The following DAPP1 variants were observed in gnomAD, a reference collection of about 807,000 sequenced individuals.
DAPP1 encodes the protein dual adapter for phosphotyrosine and 3-phosphotyrosine and 3-phosphoinositide.
In DAPP1, 20 loss-of-function variants were observed where a neutral mutation model predicts 41.5. That is an observed-to-expected ratio of 0.48 (90% CI 0.34 to 0.70). The LOEUF (loss-of-function observed/expected upper bound fraction) is 0.70. DAPP1 is among the 30% of genes least tolerant of loss of function. The probability of loss-of-function intolerance (pLI) is 0.01; values close to 1 mark genes in which losing one functional copy is unlikely to be tolerated. For missense variants in DAPP1, 233 were observed against 333.4 expected (o/e 0.70, Z 2.35); for synonymous variants, 113 against 116.2 (o/e 0.97, Z 0.18).
chr4:99,826,486 C>T (rs953701901), intron 1 of DAPP1, among the ~76,000 whole-genome samples: 1 of 152,058 alleles, frequency 6.6e-6, no homozygotes, highest in Non-Finnish European at 1.5e-5. Flanking sequence ...TGTATCTTTT[C>T]CAGGCAGGGA....
At chr4:99,851,199 C>T (rs1034495476) in intron 3 of DAPP1, among the ~76,000 whole-genome samples, 3 of 152,186 alleles carry the variant, frequency 2.0e-5, no homozygotes, top group Non-Finnish European at 4.4e-5. Context: ...GTAGCCGGCC[C>T]CTTCTCCTCA....
intron 4 of DAPP1, 104 bp downstream of exon 4, chr4:99,853,452 T>C (rs763713752): frequency 2.7e-4 from 392 of 1,436,010 alleles, no homozygotes; most frequent in Non-Finnish European, 3.4e-4. Flanking sequence ...AATTCTAGCT[T>C]GGAATATAAA....
At chr4:99,826,666 G>A (rs1722948424) in intron 1 of DAPP1, among the ~76,000 whole-genome samples, 1 of 152,168 alleles carries the variant, frequency 6.6e-6, no homozygotes, top group African/African-American at 2.4e-5. Context: ...TCCCAACAGG[G>A]ACCCTGTGCT....
At chr4:99,860,642 A>G (rs912399736) in intron 4 of DAPP1, among the ~76,000 whole-genome samples, 1 of 151,984 alleles carries the variant, frequency 6.6e-6, no homozygotes, top group African/African-American at 2.4e-5. Context: ...TCCTCTTTTT[A>G]TTTGGTTGGG....
intron 3 of DAPP1, among the ~76,000 whole-genome samples, chr4:99,849,332 T>C (rs973309365): frequency 3.3e-5 from 5 of 152,228 alleles, no homozygotes; most frequent in African/African-American, 1.2e-4. Context: ...GGGAGGCTGG[T>C]TCATCCCAGG....
At chr4:99,820,429 G>T (rs1303839802) in intron 1 of DAPP1, among the ~76,000 whole-genome samples, 1 of 152,150 alleles carries the variant, frequency 6.6e-6, no homozygotes, top group African/African-American at 2.4e-5. Context: ...AAATGAAAGT[G>T]TTTTAGCATA....
At chr4:99,866,199 G>A in intron 8 of DAPP1, 78 bp downstream of exon 8, 1 of 818,084 alleles carries the variant, frequency 1.2e-6, no homozygotes, top group South Asian at 1.5e-5. Context: ...TCTATCAAAA[G>A]AGTCAGACTA....
chr4:99,869,244 G>C lies in DAPP1; in HGVS notation c.*1059G>C, dbSNP rs1348719255. 6.6e-6 allele frequency: 1 copy of C among 152,208 alleles called. No homozygotes were observed. The highest frequency in any genetic ancestry group is 1.5e-5 in the Non-Finnish European group (1 of 68,028). 9.4% of individuals were successfully genotyped at this position (152,208 alleles called of 1,614,324 possible). A position where few individuals can be genotyped will look rare whatever the true frequency, so the allele number is the denominator to read the frequency against. On this transcript the variant is annotated 3_prime_UTR_variant, in exon 9 of 9. Coordinates refer to ENST00000512369, the MANE Select transcript of DAPP1 (RefSeq NM_014395.3). ...AAAGCTACAAGAAATATGTAATAAT[G>C]ATAGGTAATAATGTGTTCCAAAGCT... is the stretch of plus-strand genomic sequence containing the variant.
chr4:99,825,127 T>G (rs1442421354), intron 1 of DAPP1, among the ~76,000 whole-genome samples: 1 of 152,220 alleles, frequency 6.6e-6, no homozygotes, highest in Admixed American at 6.5e-5. Flanking sequence ...GGTCTGCATG[T>G]GCATTCCCTA....
chr4:99,836,469 T>C (rs1425455624), intron 2 of DAPP1, among the ~76,000 whole-genome samples: 3 of 152,214 alleles, frequency 2.0e-5, no homozygotes, highest in Admixed American at 2.0e-4. Flanking sequence ...TTTTAGGCGC[T>C]TCTCCATGGA....
At chr4:99,839,739 G>A (rs1366953215) in intron 2 of DAPP1, among the ~76,000 whole-genome samples, 1 of 152,170 alleles carries the variant, frequency 6.6e-6, no homozygotes, top group African/African-American at 2.4e-5. Context: ...GGAGTAGATA[G>A]GGAGAACAGT....
At chr4:99,861,531 T>A in intron 4 of DAPP1, 47 bp from the exon 5 acceptor site, 1 of 1,539,168 alleles carries the variant, frequency 6.5e-7, no homozygotes, top group Non-Finnish European at 8.8e-7. Context: ...AGGACAAACG[T>A]CCTGTTGTGA....
At chr4:99,820,074 A>G (rs572265682) in intron 1 of DAPP1, among the ~76,000 whole-genome samples, 82 of 152,302 alleles carry the variant, frequency 5.4e-4, no homozygotes, top group Non-Finnish European at 9.7e-4. Flanking sequence ...AAATAAAACC[A>G]TCTTAAATTG....
intron 5 of DAPP1, among the ~76,000 whole-genome samples, chr4:99,862,096 G>A (rs1219097477): frequency 6.6e-6 from 1 of 152,176 alleles, no homozygotes; most frequent in Non-Finnish European, 1.5e-5. Context: ...CCATTTATGA[G>A]ACTGTATCTT....
chr4:99,858,675 CGAT>C (rs1335800895), intron 4 of DAPP1, among the ~76,000 whole-genome samples: 2 of 152,158 alleles, frequency 1.3e-5, no homozygotes, highest in Non-Finnish European at 2.9e-5. Flanking sequence ...TGTTACCAAA[CGAT>C]GACTCTCTGA....
intron 7 of DAPP1, among the ~76,000 whole-genome samples, chr4:99,864,585 G>A (rs1319128630): frequency 6.6e-6 from 1 of 152,112 alleles, no homozygotes; most frequent in Non-Finnish European, 1.5e-5. Context: ...TATCAACTGA[G>A]AATGGGTGTC....
In DAPP1 at chr4:99,869,884, C is replaced by T. The variant is rs1009775610; in HGVS notation, c.*1699C>T. On this transcript the variant is annotated 3_prime_UTR_variant, in exon 9 of 9. Transcript: ENST00000512369. ...GGTGGAGGTTGCAGTGAACCAAGATCGCGGCGCTGCACTCTAGCCTGGGTG... is the reference window on the plus strand; with the variant it reads ...GGTGGAGGTTGCAGTGAACCAAGATTGCGGCGCTGCACTCTAGCCTGGGTG... 3.3e-5 allele frequency: 5 copies of T among 152,020 alleles called. No individual in the cohort carries two copies. Among genetic ancestry groups the T allele is most frequent in the East Asian group, 1.9e-4 (1 of 5,188 alleles). 9.4% of individuals were successfully genotyped at this position (152,020 alleles called of 1,614,324 possible).
At chr4:99,843,596 A>G (rs1723567258) in intron 3 of DAPP1, among the ~76,000 whole-genome samples, 1 of 152,142 alleles carries the variant, frequency 6.6e-6, no homozygotes, top group Non-Finnish European at 1.5e-5. Context: ...TCTTTTTATC[A>G]ATACCCATAA....
chr4:99,830,306 C>A (rs1385148956), intron 1 of DAPP1, among the ~76,000 whole-genome samples: 1 of 152,040 alleles, frequency 6.6e-6, no homozygotes, highest in African/African-American at 2.4e-5. Context: ...TTGCGTGAAC[C>A]CAGGAGGCAG....
Sources: allele counts gnomAD v4.1 joint callset (sites outside exome capture counted in the v4.1 genomes callset), GRCh38; gene constraint gnomAD v4.1.1; transcripts MANE v1.5; gene names NCBI Gene and HGNC (gene_info 2026-07-23, HGNC 2026-07-21).